CNTN5: variants seen among roughly 807,000 people sequenced by gnomAD.
The protein encoded by CNTN5 is contactin-5.
In CNTN5, 77 loss-of-function variants were observed where a neutral mutation model predicts 129.1. That is an observed-to-expected ratio of 0.60 (90% CI 0.50 to 0.72). The LOEUF is 0.72. CNTN5 is among the 30% of genes least tolerant of loss of function. The probability of loss-of-function intolerance (pLI) is 0.00; values close to 1 mark genes in which losing one functional copy is unlikely to be tolerated. For missense variants in CNTN5, 1,478 were observed against 1,328.8 expected (o/e 1.11, Z -1.75); for synonymous variants, 509 against 465.6 (o/e 1.09, Z -1.20).
chr11:99,295,602 C>A lies in CNTN5; in HGVS notation c.-209-29744C>A, dbSNP rs1228113480. Among the ~76,000 whole-genome samples the A allele has an allele frequency of 7.2e-5, 11 of 152,240 alleles. 1 individual carries two copies. The South Asian group carries it at 2.3e-3, about 32-fold the overall frequency. ...TAAGAGTTTTGACTGATTGGCCGGG[C>A]GCGGTGGCTCACGCCTGTAATCCCA... On this transcript the variant is annotated intron_variant, in intron 1 of 24. Transcript: ENST00000524871.
intron 19 of CNTN5, among the ~76,000 whole-genome samples, chr11:100,298,639 A>G (rs749630795): frequency 2.6e-5 from 4 of 151,336 alleles, no homozygotes; most frequent in African/African-American, 7.3e-5. Context: ...CATGTAACCA[A>G]TTTAAATCTA....
intron 3 of CNTN5, among the ~76,000 whole-genome samples, chr11:99,803,841 C>T (rs1311679350): frequency 1.3e-5 from 2 of 152,132 alleles, no homozygotes; most frequent in African/African-American, 2.4e-5. Flanking sequence ...CTGAGTTGTC[C>T]TTCACTTTTC....
intron 20 of CNTN5, among the ~76,000 whole-genome samples, chr11:100,307,981 A>T (rs557429664): frequency 1.3e-5 from 2 of 151,842 alleles, no homozygotes; most frequent in South Asian, 2.1e-4. Flanking sequence ...ATAGCTAAAT[A>T]AATGTTTTAA....
chr11:99,443,164 C>T (rs1943908525), intron 2 of CNTN5, among the ~76,000 whole-genome samples: 1 of 152,152 alleles, frequency 6.6e-6, no homozygotes, highest in South Asian at 2.1e-4. Flanking sequence ...ATTGAAGTCA[C>T]TAGCGACTTG....
intron 21 of CNTN5, among the ~76,000 whole-genome samples, chr11:100,329,011 G>A (rs1241826519): frequency 1.3e-5 from 2 of 152,274 alleles, no homozygotes; most frequent in East Asian, 3.9e-4. Flanking sequence ...CAACGAGGAG[G>A]CATGCAGTCT....
chr11:100,335,899 T>A (rs1565436443), intron 21 of CNTN5, among the ~76,000 whole-genome samples: 1 of 150,888 alleles, frequency 6.6e-6, no homozygotes. Context: ...AAAATAATAT[T>A]TGAGAGACAA....
intron 2 of CNTN5, among the ~76,000 whole-genome samples, chr11:99,536,768 G>T (rs184915136): frequency 4.8e-4 from 73 of 150,986 alleles, no homozygotes; most frequent in African/African-American, 1.6e-3. Context: ...TGAGAAAAAT[G>T]CTTAGGAAGT....
At chr11:99,677,841 A>T (rs554451942) in intron 3 of CNTN5, among the ~76,000 whole-genome samples, 1 of 152,084 alleles carries the variant, frequency 6.6e-6, no homozygotes, top group Non-Finnish European at 1.5e-5. Context: ...TCCATTTATC[A>T]TCAACCTCAT....
At position 99,594,360 on chromosome 11, in the gene CNTN5, C is replaced by T. The variant is rs1003884866; in HGVS notation, c.55+38091C>T. The stretch of plus-strand genomic sequence containing the variant: ...AATGCAGACAAGTGAGGCTTTAACA[C>T]TCTGCCTGTCTGGGGGATGTTGCTG... On this transcript the variant is annotated intron_variant, in intron 3 of 24. Transcript: ENST00000524871. Among the ~76,000 whole-genome samples the T allele has an allele frequency of 2.0e-5, 3 of 152,260 alleles. 1 individual carries two copies. The highest frequency in any genetic ancestry group is 7.2e-5 in the African/African-American group (3 of 41,562).
At chr11:100,189,050 G>T (rs1294757644) in intron 13 of CNTN5, among the ~76,000 whole-genome samples, 1 of 151,946 alleles carries the variant, frequency 6.6e-6, no homozygotes, top group East Asian at 1.9e-4. Flanking sequence ...CATTAAAATG[G>T]CAACAATAAA....
chr11:99,076,080 T>C (rs1461266915), intron 1 of CNTN5, among the ~76,000 whole-genome samples: 3 of 152,146 alleles, frequency 2.0e-5, no homozygotes, highest in African/African-American at 2.4e-5. Context: ...ACGCCTGTAA[T>C]CTCAGCACTT....
chr11:99,566,907 G>T (rs186462229), intron 3 of CNTN5, among the ~76,000 whole-genome samples: 54 of 152,154 alleles, frequency 3.5e-4, no homozygotes, highest in African/African-American at 1.2e-3. Flanking sequence ...ATATATTTTT[G>T]TCAACATCCT....
intron 9 of CNTN5, among the ~76,000 whole-genome samples, chr11:100,038,928 C>T (rs974639307): frequency 6.6e-6 from 1 of 152,084 alleles, no homozygotes; most frequent in African/African-American, 2.4e-5. Context: ...ATCCAATTTG[C>T]CAGTCTGTGT....
rs541539902 is a variant in CNTN5, at chr11:99,106,842, C to T, written c.-210+85572C>T. ...GATCGTTCCTCTAAAGAGCACTCCA[C>T]AGATGTCCGCTAAAAGGTATTATTA... On this transcript the variant is annotated intron_variant, in intron 1 of 24. Transcript: ENST00000524871. 7.3e-4 allele frequency among the ~76,000 whole-genome samples: 111 copies of T among 152,180 alleles called. No homozygotes were observed. The South Asian group carries it at 0.021, about 29-fold the overall frequency.
chr11:99,327,202 G>C (rs1865821934), intron 2 of CNTN5, among the ~76,000 whole-genome samples: 1 of 152,090 alleles, frequency 6.6e-6, no homozygotes, highest in Non-Finnish European at 1.5e-5. Flanking sequence ...ACTGAACACA[G>C]CACAGCAGCT....
intron 6 of CNTN5, among the ~76,000 whole-genome samples, chr11:99,905,553 T>G (rs1259254367): frequency 6.6e-6 from 1 of 152,174 alleles, no homozygotes; most frequent in Non-Finnish European, 1.5e-5. Flanking sequence ...CCTTGTAGTA[T>G]AGTTTAAAGT....
intron 2 of CNTN5, among the ~76,000 whole-genome samples, chr11:99,410,165 A>G (rs1381199512): frequency 6.6e-6 from 1 of 152,254 alleles, no homozygotes; most frequent in Non-Finnish European, 1.5e-5. Context: ...GGTGAATTAT[A>G]GGAAAAAGAA....
chr11:99,233,772 C>T (rs1861127864), intron 1 of CNTN5, among the ~76,000 whole-genome samples: 1 of 151,934 alleles, frequency 6.6e-6, no homozygotes, highest in Non-Finnish European at 1.5e-5. Flanking sequence ...CCGGTGAAAC[C>T]CATCTCTACT....
intron 1 of CNTN5, among the ~76,000 whole-genome samples, chr11:99,314,665 A>G (rs1240208915): frequency 6.6e-6 from 1 of 151,988 alleles, no homozygotes; most frequent in Non-Finnish European, 1.5e-5. Flanking sequence ...TATCCCTACT[A>G]CTGCTATTAA....
Sources: allele counts gnomAD v4.1 joint callset (sites outside exome capture counted in the v4.1 genomes callset), GRCh38; gene constraint gnomAD v4.1.1; transcripts MANE v1.5; gene names NCBI Gene and HGNC (gene_info 2026-07-23, HGNC 2026-07-21).